Variants in CCDC122 observed in about 807,000 individuals in gnomAD.
CCDC122 encodes coiled-coil domain containing 122.
Under a neutral mutation model 37.0 loss-of-function variants are expected in CCDC122, and 38 were observed. That is an observed-to-expected ratio of 1.03 (90% CI 0.79 to 1.35). The LOEUF (loss-of-function observed/expected upper bound fraction) is 1.35, where lower values mean the gene tolerates loss of function less well. Ranked by LOEUF, CCDC122 falls within the 40% of genes most tolerant of loss-of-function variation. The pLI is 0.00. For synonymous variants in CCDC122, 83 were observed against 95.6 expected (o/e 0.87, Z 0.77); for missense variants, 305 against 310.0 (o/e 0.98, Z 0.12).
intron 6 of CCDC122, chr13:43,854,434 C>A (rs925745565): frequency 6.6e-6 from 1 of 152,004 alleles, no homozygotes; most frequent in South Asian, 2.1e-4. Context: ...GGGAAGAAAT[C>A]GAATCTCTGA....
intron 5 of CCDC122, among the ~76,000 whole-genome samples, chr13:43,859,326 A>G (rs1405868981): frequency 6.6e-6 from 1 of 152,140 alleles, no homozygotes; most frequent in East Asian, 1.9e-4. Flanking sequence ...ATTGATTTGA[A>G]TTGGTCTGGA....
rs756410780 is a variant in CCDC122, at chr13:43,859,784, A to T, written c.443T>A (p.Phe148Tyr). ...TCGCTTTTCATGGAGTTCAGTCATAAATGACCATTTGCTCTCTACTTCCCC... is the reference window on the plus strand; with the variant it reads ...TCGCTTTTCATGGAGTTCAGTCATATATGACCATTTGCTCTCTACTTCCCC... ...SLGEVESKWS[F>Y]MTELHEKRDF... Residue 148 changes from phenylalanine to tyrosine, a missense_variant, in exon 5 of 7, where the codon TTT becomes TAT. Phe to Tyr is a conservative substitution (Grantham distance 22). Transcript: ENST00000444614. 1.2e-6 allele frequency: 2 copies of T among 1,609,216 alleles called. No homozygotes were observed. Among genetic ancestry groups the T allele is most frequent in the Admixed American group, 3.4e-5 (2 of 59,056 alleles).
At chr13:43,840,699 C>A (rs919495679) in intron 6 of CCDC122, among the ~76,000 whole-genome samples, 4 of 151,792 alleles carry the variant, frequency 2.6e-5, no homozygotes, top group Non-Finnish European at 4.4e-5. Flanking sequence ...CATGTCCCTA[C>A]AAAGGACATG....
chr13:43,848,417 A>G (rs555189797), intron 6 of CCDC122, among the ~76,000 whole-genome samples: 4 of 149,644 alleles, frequency 2.7e-5, no homozygotes, highest in African/African-American at 7.3e-5. Context: ...TGGAAATAAC[A>G]CTTTTTTTTT....
In CCDC122 at chr13:43,827,989, G is replaced by T. The variant is rs1953055483; in HGVS notation, n.602-3978C>A. ...GTTAGAATTTTGTTTTAGCTGAATT[G>T]CAGATTTTATCTGTTAGGTAGAATG... On this transcript the variant is annotated intron_variant and non_coding_transcript_variant, in intron 3 of 3. Transcript: ENST00000470137. 5.3e-5 allele frequency among the ~76,000 whole-genome samples: 8 copies of T among 152,286 alleles called. No homozygotes were observed. The South Asian group carries it at 1.7e-3, about 32-fold the overall frequency.
chr13:43,829,368 C>T lies in CCDC122; in HGVS notation n.602-5357G>A, dbSNP rs552408616. Among the ~76,000 whole-genome samples the T allele has an allele frequency of 1.1e-4, 16 of 152,132 alleles. No homozygotes were observed. The South Asian group carries it at 2.1e-3, about 20-fold the overall frequency. On this transcript the variant is annotated intron_variant and non_coding_transcript_variant, in intron 3 of 3. Coordinates refer to the CCDC122 transcript ENST00000470137. ...TCACCCAGGCTGGAGTACAGTGGTG[C>T]GATCTCGGCTCACTGCAACCTCCGC...
intron 4 of CCDC122, among the ~76,000 whole-genome samples, chr13:43,865,138 T>C (rs1954236821): frequency 6.6e-6 from 1 of 152,134 alleles, no homozygotes; most frequent in Non-Finnish European, 1.5e-5. Flanking sequence ...GTGTCCTTTA[T>C]AATAAATGGG....
At chr13:43,823,993 T>C (rs1192485101) in exon 4 of CCDC122, 1 of 152,228 alleles carries the variant, frequency 6.6e-6, no homozygotes, top group Non-Finnish European at 1.5e-5. Flanking sequence ...CAGGCTTCTA[T>C]TGGGTCATCT....
At chr13:43,856,051 T>C (rs766793235) in intron 6 of CCDC122, 3 of 152,136 alleles carry the variant, frequency 2.0e-5, no homozygotes, top group Non-Finnish European at 2.9e-5. Flanking sequence ...ATTATGTCCT[T>C]TGCAGGAACA....
downstream of CCDC122, among the ~76,000 whole-genome samples, chr13:43,821,670 TCTTA>T (rs149180499): frequency 0.011 from 1,643 of 152,298 alleles, 26 homozygotes; most frequent in African/African-American, 0.037. Context: ...CTTCATTCTT[TCTTA>T]TTCTTTTTTC....
chr13:43,858,613 G>A (rs1954004550), intron 6 of CCDC122, 168 bp downstream of exon 6: 1 of 365,788 alleles, frequency 2.7e-6, no homozygotes, highest in Non-Finnish European at 4.5e-6. Flanking sequence ...TTGAATGAGG[G>A]GGTTATCTCT....
At chr13:43,844,258 T>A (rs1953445618) in intron 6 of CCDC122, among the ~76,000 whole-genome samples, 1 of 152,032 alleles carries the variant, frequency 6.6e-6, no homozygotes, top group African/African-American at 2.4e-5. Context: ...TTCAAATATA[T>A]TCTAATTTTT....
At chr13:43,835,845 T>C (rs1953148225), downstream of CCDC122, among the ~76,000 whole-genome samples, 1 of 152,220 alleles carries the variant, frequency 6.6e-6, no homozygotes. Context: ...CAGCCGAGTA[T>C]AGTGTGTACT....
intron 1 of CCDC122, among the ~76,000 whole-genome samples, chr13:43,875,328 G>A (rs569331130): frequency 6.6e-6 from 1 of 152,262 alleles, no homozygotes; most frequent in African/African-American, 2.4e-5. Flanking sequence ...ACTTTATAGT[G>A]GGTTAAATAG....
chr13:43,868,365 C>A (rs910652905), intron 4 of CCDC122, among the ~76,000 whole-genome samples: 2 of 152,130 alleles, frequency 1.3e-5, no homozygotes, highest in Non-Finnish European at 2.9e-5. Flanking sequence ...CATAGCTTTA[C>A]AAACACTGGC....
rs1255665274 is a variant in CCDC122, at chr13:43,860,031, A to C, written c.196T>G (p.Ser66Ala). The C allele has an allele frequency of 1.3e-6, 2 of 1,553,496 alleles. No homozygotes were observed. The highest frequency in any genetic ancestry group is 1.7e-6 in the Non-Finnish European group (2 of 1,149,756). ...HELEKEIAAI[S>A]AETKETERQI... ...CTTTCTGTTTCTTTAGTTTCTGCAG[A>C]GATAGCTGCTATTTCTTTTTCAAGC... is the stretch of plus-strand genomic sequence containing the variant. The change falls in exon 5 of 7, where the codon TCT (serine) becomes GCT (alanine). Residue 66 changes from serine (S) to alanine (A), a missense_variant. Transcript: ENST00000444614.
intron 4 of CCDC122, among the ~76,000 whole-genome samples, chr13:43,868,269 A>G (rs574607077): frequency 1.3e-5 from 2 of 152,242 alleles, no homozygotes; most frequent in South Asian, 2.1e-4. Flanking sequence ...AATTCCCTGC[A>G]GTAGGATTAT....
At chr13:43,857,262 A>G (rs1953945638) in intron 6 of CCDC122, among the ~76,000 whole-genome samples, 1 of 152,190 alleles carries the variant, frequency 6.6e-6, no homozygotes, top group African/African-American at 2.4e-5. Context: ...ATGTGTTATA[A>G]TAATCTAGAA....
At chr13:43,840,114 G>A (rs1391922964) in intron 6 of CCDC122, among the ~76,000 whole-genome samples, 4 of 152,166 alleles carry the variant, frequency 2.6e-5, no homozygotes, top group African/African-American at 9.7e-5. Flanking sequence ...ATACTCCTAA[G>A]TTAGGTTTTC....
Sources: allele counts gnomAD v4.1 joint callset (sites outside exome capture counted in the v4.1 genomes callset), GRCh38; gene constraint gnomAD v4.1.1; transcripts MANE v1.5; gene names NCBI Gene and HGNC (gene_info 2026-07-23, HGNC 2026-07-21).